Variants in ZNF335 observed in about 807,000 individuals in gnomAD.
ZNF335 encodes NRC-interacting factor 1.
A neutral mutation model predicts 145.6 loss-of-function variants in ZNF335; 84 were observed. The observed-to-expected ratio is 0.58, with a 90% CI of 0.48 to 0.69. The LOEUF (loss-of-function observed/expected upper bound fraction) is 0.69. Among genes scored for constraint, ZNF335 ranks in the 30% least tolerant of loss-of-function variants. The probability of loss-of-function intolerance (pLI) is 0.00; values close to 1 mark genes in which losing one functional copy is unlikely to be tolerated. For synonymous variants in ZNF335, 761 were observed against 717.0 expected (o/e 1.06, Z -0.98); for missense variants, 1,865 against 1,809.7 (o/e 1.03, Z -0.55).
At position 45,952,276 on chromosome 20, in the gene ZNF335, G is replaced by A. The variant is rs2083647754; in HGVS notation, c.3060C>T (p.Ser1020=). Residue 1020 remains serine, a synonymous_variant, in exon 20 of 28, where the codon TCC becomes TCT. Coordinates refer to ENST00000322927, the MANE Select transcript of ZNF335 (RefSeq NM_022095.4). ...GGAAGGCCTCGGCACAGATCTTGCA[G>A]GAAAACTTCTTTGATGCAGCAGTGG... ...SAATAASKKF[S]CKICAEAFPG... 6.2e-7 allele frequency: 1 copy of A among 1,613,556 alleles called. No homozygotes were observed. Among genetic ancestry groups the A allele is most frequent in the Non-Finnish European group, 8.5e-7 (1 of 1,180,022 alleles).
chr20:45,957,639 C>T lies in ZNF335; in HGVS notation c.2389G>A (p.Asp797Asn). The T allele has an allele frequency of 4.3e-6, 7 of 1,614,178 alleles. No individual in the cohort carries two copies. The highest frequency in any genetic ancestry group is 5.1e-6 in the Non-Finnish European group (6 of 1,180,034). Residue 797 changes from aspartate (D) to asparagine (N), a missense_variant, in exon 17 of 28, where the codon GAT (aspartate) becomes AAT (asparagine). Physicochemically the swap from Asp to Asn is conservative, Grantham distance 23. Transcript: ENST00000322927. ...STAMATQTAL[D>N]LLLNMSAQRE... The stretch of plus-strand genomic sequence containing the variant: ...TGAGCACTCATGTTCAGCAGAAGAT[C>T]CAAGGCTGTCTGCGTGGCCATCGCT...
chr20:45,960,080 T>C, intron 14 of ZNF335, 128 bp downstream of exon 14: 1 of 1,103,520 alleles, frequency 9.1e-7, no homozygotes, highest in Non-Finnish European at 1.3e-6. Flanking sequence ...TCTTTACACT[T>C]GAAGGACTTG....
chr20:45,963,405 G>A (rs1195922983), intron 9 of ZNF335, 68 bp downstream of exon 9: 17 of 1,535,232 alleles, frequency 1.1e-5, no homozygotes, highest in Non-Finnish European at 1.5e-5. Context: ...CTCCCTCAGT[G>A]GCACCAGCTG....
At chr20:45,960,427 A>AG (rs2083818257) in intron 13 of ZNF335, 22 bp downstream of exon 13, 2 of 1,614,024 alleles carry the variant, frequency 1.2e-6, no homozygotes, top group Non-Finnish European at 1.7e-6. Context: ...TCCCGTCCCC[A>AG]GGGGCCTCCA....
chr20:45,960,157 G>T, intron 14 of ZNF335, 51 bp downstream of exon 14: 1 of 1,603,172 alleles, frequency 6.2e-7, no homozygotes, highest in Non-Finnish European at 8.5e-7. Flanking sequence ...CTGATCAGGG[G>T]TACAGGGCAC....
In ZNF335 at chr20:45,959,646, C is replaced by T. The variant is rs145217871; in HGVS notation, c.2021-213G>A. The stretch of plus-strand genomic sequence containing the variant: ...GCACTCAAGAGCCTTCCTGTGCCTA[C>T]CTATTTGCAAAGTCATGTGACTACA... On this transcript the variant is annotated intron_variant, in intron 14 of 27. Coordinates refer to ENST00000322927, the MANE Select transcript of ZNF335 (RefSeq NM_022095.4). Among the ~76,000 whole-genome samples, 445 of 152,312 alleles carry T rather than the reference C, an allele frequency of 2.9e-3. 7 individuals are homozygous for T. The highest frequency in any genetic ancestry group is 0.01 in the African/African-American group (432 of 41,568).
chr20:45,965,030 AAATAATAATAAT>A lies in ZNF335; in HGVS notation c.1102+586_1102+597del, dbSNP rs11472570. Among the ~76,000 whole-genome samples the A allele has an allele frequency of 2.7e-4, 38 of 141,364 alleles. 2 individuals are homozygous for A. The highest frequency in any genetic ancestry group is 6.1e-4 in the East Asian group (3 of 4,932). The allele number at this position is 141,364 out of a possible 152,430, so 92.7% of individuals were successfully genotyped here. A position where few individuals can be genotyped will look rare whatever the true frequency, so the allele number is the denominator to read the frequency against. On this transcript the variant is annotated intron_variant, in intron 7 of 27. Transcript: ENST00000322927. ...CGGGCAAGAGTGAAACTCTGTCTCA[AAATAATAATAAT>A]AATAATAATAATAATAATAATAATA... is the stretch of plus-strand genomic sequence containing the variant.
intron 10 of ZNF335, among the ~76,000 whole-genome samples, chr20:45,961,199 A>G (rs2083837175): frequency 1.3e-5 from 2 of 152,194 alleles, no homozygotes; most frequent in South Asian, 4.1e-4. Flanking sequence ...GCAACATAAC[A>G]AGACATCGTC....
chr20:45,960,149 G>C, intron 14 of ZNF335, 59 bp downstream of exon 14: 2 of 1,590,896 alleles, frequency 1.3e-6, no homozygotes, highest in Non-Finnish European at 1.7e-6. Context: ...CTAAGCCTCT[G>C]ATCAGGGGTA....
intron 2 of ZNF335, 46 bp from the exon 3 acceptor site, chr20:45,969,737 T>C (rs748681218): frequency 3.8e-6 from 6 of 1,597,454 alleles, no homozygotes; most frequent in East Asian, 2.2e-5. Flanking sequence ...CAGCTGGGTA[T>C]GGGGCAGGGC....
chr20:45,952,861 A>C, intron 18 of ZNF335, 152 bp from the exon 19 acceptor site: 1 of 636,898 alleles, frequency 1.6e-6, no homozygotes, highest in Non-Finnish European at 2.7e-6. Context: ...CCTGTTACCA[A>C]ATGACCCTCT....
chr20:45,969,358 A>G, intron 3 of ZNF335, 93 bp downstream of exon 3: 1 of 1,373,264 alleles, frequency 7.3e-7, no homozygotes, highest in Non-Finnish European at 9.5e-7. Flanking sequence ...CACATGGGAA[A>G]GTAATCTGCC....
In ZNF335 at chr20:45,950,087, G is replaced by A. The variant is rs768625327; in HGVS notation, c.3488-18C>T. On this transcript the variant is annotated intron_variant, in intron 22 of 27. Transcript: ENST00000322927. ...GAGTGCAGCTGGGCAGAGAGGAGAG[G>A]ATGCTCACCTGGGGTCCAGGAAAAC... 1.9e-6 allele frequency: 3 copies of A among 1,612,626 alleles called. No homozygotes were observed. Among genetic ancestry groups the A allele is most frequent in the Admixed American group, 1.7e-5 (1 of 59,786 alleles).
At chr20:45,954,100 T>A in intron 17 of ZNF335, 152 bp from the exon 18 acceptor site, 1 of 1,006,530 alleles carries the variant, frequency 9.9e-7, no homozygotes, top group Non-Finnish European at 1.4e-6. Flanking sequence ...AAGTTCTTTC[T>A]AAAATATACT....
chr20:45,971,879 G>A (rs919744972), intron 1 of ZNF335: 2 of 985,238 alleles, frequency 2.0e-6, no homozygotes, highest in African/African-American at 1.7e-5. Context: ...TGACAGCGAC[G>A]GTCTCGGGGC....
chr20:45,949,033 C>G lies in ZNF335; in HGVS notation c.3949G>C (p.Asp1317His), dbSNP rs1156381597. Reference protein sequence around the residue: ...MAQAQGLFGTDETVPEHIQQL... With the variant: ...MAQAQGLFGTHETVPEHIQQL... ...TGAATGTGTTCGGGCACTGTCTCGT[C>G]TGTACCAAACAGGCCCTGGGCTTGG... The change falls in exon 28 of 28, where the codon GAC becomes CAC. Residue 1317 changes from aspartate (D) to histidine (H), a missense_variant. By Grantham distance (81) the Asp-to-His change is moderately conservative. Coordinates refer to ENST00000322927, the MANE Select transcript of ZNF335 (RefSeq NM_022095.4). 3 of 1,613,828 alleles carry G rather than the reference C, an allele frequency of 1.9e-6. No homozygotes were observed. The East Asian group carries it at 6.7e-5, about 36-fold the overall frequency.
intron 17 of ZNF335, among the ~76,000 whole-genome samples, chr20:45,954,730 TAC>T (rs1335702694): frequency 6.7e-6 from 1 of 148,860 alleles, no homozygotes; most frequent in Non-Finnish European, 1.5e-5. Context: ...TCTCTGAACA[TAC>T]AGAGAGGAGT....
Position 45,950,004 on chromosome 20 carries a change from G to A in ZNF335, c.3553C>T (p.His1185Tyr). ...ERLQQALSQE[H>Y]IIVAQEQTVT... is the part of the protein sequence containing the mutation. ...GTCTGTTCCTGGGCAACGATGATGT[G>A]TTCCTGGCTCAGTGCCTGCTGTAGC... is the stretch of plus-strand genomic sequence containing the variant. The change falls in exon 23 of 28, where the codon CAC becomes TAC. Residue 1185 changes from histidine (H) to tyrosine (Y), a missense_variant. His to Tyr is a moderately conservative substitution (Grantham distance 83, BLOSUM62 2). Transcript: ENST00000322927. The A allele has an allele frequency of 6.2e-6, 10 of 1,614,156 alleles. No homozygotes were observed. The highest frequency in any genetic ancestry group is 8.5e-6 in the Non-Finnish European group (10 of 1,180,028).
At position 45,949,380 on chromosome 20, in the gene ZNF335, T is replaced by A. The variant is rs2083585175; in HGVS notation, c.3772A>T (p.Thr1258Ser). The change falls in exon 26 of 28, where the codon ACA becomes TCA. Residue 1258 changes from threonine to serine, a missense_variant. Physicochemically the swap from Thr to Ser is moderately conservative, Grantham distance 58. Transcript: ENST00000322927. ...HHIQVQEGQITHIQYEQGAPF... is the reference protein window; with the variant it reads ...HHIQVQEGQISHIQYEQGAPF... Reference sequence around the variant, plus strand: ...GCTCCTTGTTCATACTGGATGTGTGTGATCTGGCCCTCCTGTACCTGCAGA... The same window carrying A: ...GCTCCTTGTTCATACTGGATGTGTGAGATCTGGCCCTCCTGTACCTGCAGA... 3.1e-6 allele frequency: 5 copies of A among 1,614,026 alleles called. No individual in the cohort carries two copies. The highest frequency in any genetic ancestry group is 4.2e-6 in the Non-Finnish European group (5 of 1,180,026).
Sources: gnomAD v4.1 joint callset for allele counts (sites outside exome capture counted in the v4.1 genomes callset) on GRCh38, gnomAD v4.1.1 for gene constraint, MANE v1.5 for transcripts, NCBI Gene and HGNC (gene_info 2026-07-23, HGNC 2026-07-21) for gene names.